The following THSD7B variants were observed in gnomAD, a reference collection of about 807,000 sequenced individuals.
THSD7B encodes the protein thrombospondin type-1 domain-containing protein 7B.
In THSD7B, 138 loss-of-function variants were observed where a neutral mutation model predicts 213.6. The observed-to-expected ratio is 0.65, with a 90% CI of 0.56 to 0.74. THSD7B has a LOEUF of 0.74. Ranked by LOEUF, THSD7B falls within the 30% of genes least tolerant of loss-of-function variation. THSD7B has a pLI of 0.00. For missense variants in THSD7B, 1,931 were observed against 1,991.5 expected (o/e 0.97, Z 0.58); for synonymous variants, 742 against 687.0 (o/e 1.08, Z -1.25).
intron 2 of THSD7B, among the ~76,000 whole-genome samples, chr2:137,036,868 T>C (rs1686785461): frequency 6.6e-6 from 1 of 152,230 alleles, no homozygotes; most frequent in African/African-American, 2.4e-5. Flanking sequence ...TGTCTCATTT[T>C]ATTGAGCACA....
intron 20 of THSD7B, among the ~76,000 whole-genome samples, chr2:137,623,578 C>A (rs567908431): frequency 6.6e-6 from 1 of 152,250 alleles, no homozygotes; most frequent in East Asian, 1.9e-4. Context: ...ATTGAGAAAA[C>A]CCCATCATCT....
chr2:136,962,403 C>CTTTTTTTT lies in THSD7B; in HGVS notation c.139+80104_139+80111dup, dbSNP rs71400559. 1.0e-3 allele frequency among the ~76,000 whole-genome samples: 102 copies of CTTTTTTTT among 100,158 alleles called. 4 individuals are homozygous for CTTTTTTTT. Among genetic ancestry groups the CTTTTTTTT allele is most frequent in the African/African-American group, 3.2e-3 (83 of 25,994 alleles). The allele number at this position is 100,158 out of a possible 152,430, so 65.7% of individuals were successfully genotyped here. On this transcript the variant is annotated intron_variant, in intron 2 of 27. Transcript: ENST00000409968. The stretch of plus-strand genomic sequence containing the variant: ...AACACACTATACATAAATCTGTTAT[C>CTTTTTTTT]TTTTTTTTTTTTTTTTTTTTTTTTT...
At chr2:137,294,601 A>AG (rs1406523974) in intron 12 of THSD7B, among the ~76,000 whole-genome samples, 14 of 150,546 alleles carry the variant, frequency 9.3e-5, no homozygotes, top group African/African-American at 2.7e-4. Flanking sequence ...AAAAAAAAAA[A>AG]AAAGAAAGGG....
intron 1 of THSD7B, among the ~76,000 whole-genome samples, chr2:136,833,367 A>G (rs1210684696): frequency 6.4e-5 from 9 of 139,722 alleles, no homozygotes; most frequent in African/African-American, 2.7e-4. Context: ...CCGTCTCAAA[A>G]AAAAAAAAAA....
chr2:137,650,038 G>A (rs1205924310), intron 21 of THSD7B, among the ~76,000 whole-genome samples: 16 of 152,134 alleles, frequency 1.1e-4, no homozygotes, highest in Non-Finnish European at 2.2e-4. Context: ...AGAGGTCGAG[G>A]CTGTAATGAG....
intron 17 of THSD7B, among the ~76,000 whole-genome samples, chr2:137,608,753 A>T (rs560571824): frequency 1.4e-3 from 220 of 152,318 alleles, no homozygotes; most frequent in Non-Finnish European, 2.6e-3. Context: ...AGCTGTAAGG[A>T]GCTATTCCTC....
intron 10 of THSD7B, among the ~76,000 whole-genome samples, chr2:137,243,738 G>A (rs1323867801): frequency 6.6e-6 from 1 of 152,216 alleles, no homozygotes; most frequent in African/African-American, 2.4e-5. Context: ...TGAAAACAGA[G>A]CTGTGGCACC....
At chr2:137,654,181 C>A (rs899399374) in intron 21 of THSD7B, among the ~76,000 whole-genome samples, 46 of 152,236 alleles carry the variant, frequency 3.0e-4, no homozygotes, top group African/African-American at 1.1e-3. Context: ...TGCTTTGCTT[C>A]AGTAAACAAT....
At chr2:137,163,048 C>T (rs1680049601) in intron 6 of THSD7B, among the ~76,000 whole-genome samples, 1 of 152,164 alleles carries the variant, frequency 6.6e-6, no homozygotes, top group Non-Finnish European at 1.5e-5. Context: ...TAAAAACTGG[C>T]TCCTTGAACT....
In THSD7B at chr2:137,072,532, A is replaced by G. The variant is rs570106211; in HGVS notation, c.950+15302A>G. ...AGATGATGGGGTTTTCTAGATATAC[A>G]ATCATGTCATCTGCAAATAGGGACA... On this transcript the variant is annotated intron_variant, in intron 3 of 27. Transcript: ENST00000409968. Among the ~76,000 whole-genome samples the G allele has an allele frequency of 1.8e-4, 27 of 152,244 alleles. No homozygotes were observed. The East Asian group carries it at 4.6e-3, about 26-fold the overall frequency.
At chr2:137,162,235 C>T (rs1273650084) in intron 6 of THSD7B, among the ~76,000 whole-genome samples, 1 of 152,188 alleles carries the variant, frequency 6.6e-6, no homozygotes, top group Non-Finnish European at 1.5e-5. Flanking sequence ...TTACATTTCT[C>T]TCTCTCTCCA....
rs1683713222 is a variant in THSD7B at position 137,676,823 on chromosome 2, T to G, written c.*218T>G. ...TCAAGTTGTTTGTGGGTGTGTTTTA[T>G]TTTTTTGGTTTTCCCAAGGGACCTG... On this transcript the variant is annotated 3_prime_UTR_variant, in exon 28 of 28. Transcript: ENST00000409968. The G allele has an allele frequency of 5.1e-6, 2 of 389,774 alleles. No homozygotes were observed. Among genetic ancestry groups the G allele is most frequent in the Non-Finnish European group, 8.8e-6 (2 of 227,602 alleles). 24.1% of individuals were successfully genotyped at this position (389,774 alleles called of 1,614,324 possible).
At chr2:136,975,083 G>A (rs1233678285) in intron 2 of THSD7B, among the ~76,000 whole-genome samples, 2 of 147,694 alleles carry the variant, frequency 1.4e-5, no homozygotes, top group African/African-American at 5.0e-5. Flanking sequence ...GTTCCTGGTA[G>A]ACTCTGGATA....
intron 2 of THSD7B, among the ~76,000 whole-genome samples, chr2:136,998,909 G>GACACAAACACACACACAC (rs1295053031): frequency 4.6e-4 from 60 of 129,894 alleles, no homozygotes; most frequent in African/African-American, 1.6e-3. Context: ...ATACCCAACA[G>GACACAAACACACACACAC]ACACACACAC....
At chr2:137,061,171 G>A (rs555011791) in intron 3 of THSD7B, among the ~76,000 whole-genome samples, 7 of 151,634 alleles carry the variant, frequency 4.6e-5, no homozygotes, top group South Asian at 2.1e-4. Context: ...TAAGAAAACC[G>A]TTAACTTTTT....
At chr2:137,415,531 G>A (rs567126025) in intron 14 of THSD7B, among the ~76,000 whole-genome samples, 2 of 152,270 alleles carry the variant, frequency 1.3e-5, no homozygotes, top group South Asian at 4.1e-4. Context: ...TGATGCAAAA[G>A]TGCATGGTGT....
intron 15 of THSD7B, among the ~76,000 whole-genome samples, chr2:137,463,789 A>G (rs1687933550): frequency 6.6e-6 from 1 of 152,128 alleles, no homozygotes; most frequent in African/African-American, 2.4e-5. Context: ...ATGGATAGAC[A>G]TATATGTAAC....
chr2:137,274,466 G>C (rs1371550381), intron 11 of THSD7B, among the ~76,000 whole-genome samples: 1 of 152,022 alleles, frequency 6.6e-6, no homozygotes, highest in Non-Finnish European at 1.5e-5. Context: ...TGTAGAATTG[G>C]CAATAAGAAG....
chr2:137,428,517 G>T (rs1434335636), intron 14 of THSD7B, among the ~76,000 whole-genome samples: 1 of 152,084 alleles, frequency 6.6e-6, no homozygotes, highest in East Asian at 1.9e-4. Context: ...ACTCTTTACA[G>T]CTAGAGAGTG....
Sources: allele counts gnomAD v4.1 joint callset (sites outside exome capture counted in the v4.1 genomes callset), GRCh38; gene constraint gnomAD v4.1.1; transcripts MANE v1.5; gene names NCBI Gene and HGNC (gene_info 2026-07-23, HGNC 2026-07-21).